The following SRI variants were observed in gnomAD, a reference collection of about 807,000 sequenced individuals.
SRI encodes the protein sorcin.
A neutral mutation model predicts 33.3 loss-of-function variants in SRI; 30 were observed. That is an observed-to-expected ratio of 0.90 (90% CI 0.67 to 1.22). The LOEUF is 1.22. Ranked by LOEUF, SRI falls within the 50% of genes most tolerant of loss-of-function variation. The pLI, the probability that SRI is intolerant of heterozygous loss-of-function variation, is 0.00. For synonymous variants in SRI, 75 were observed against 89.9 expected, an observed-to-expected ratio of 0.83 and a Z score of 0.94; for missense variants, 243 against 250.8, an observed-to-expected ratio of 0.97 and a Z score of 0.21.
intron 3 of SRI, 91 bp from the exon 4 acceptor site, chr7:88,211,016 A>G (rs1353829154): frequency 1.0e-6 from 1 of 1,002,230 alleles, no homozygotes; most frequent in African/African-American, 1.6e-5. Flanking sequence ...AAATATGATT[A>G]TTATACACTT....
In SRI at chr7:88,209,332, A is replaced by C. The variant is rs767007975; in HGVS notation, c.511+7T>G. The C allele has an allele frequency of 6.2e-7, 1 of 1,610,422 alleles. No homozygotes were observed. The highest frequency in any genetic ancestry group is 8.5e-7 in the Non-Finnish European group (1 of 1,176,664). ...TTGTGGTGATGACACGACCTTATAG[A>C]ACTCACCTGTAAGAGCCCTCAGTTT... is the stretch of plus-strand genomic sequence containing the variant. On this transcript the variant is annotated splice_region_variant and intron_variant, in intron 6 of 7. Transcript: ENST00000265729.
chr7:88,214,522 A>G (rs1009296725), intron 3 of SRI, among the ~76,000 whole-genome samples: 9 of 152,156 alleles, frequency 5.9e-5, no homozygotes, highest in Non-Finnish European at 1.0e-4. Context: ...GACAGTTCCA[A>G]TGAACTAGAA....
chr7:88,219,008 G>A, intron 1 of SRI, 66 bp from the exon 2 acceptor site: 6 of 1,465,542 alleles, frequency 4.1e-6, no homozygotes, highest in Non-Finnish European at 5.7e-6. Context: ...ACCACTGAGG[G>A]CTTTTGTGCA....
chr7:88,221,150 A>G (rs550423811), upstream of SRI, among the ~76,000 whole-genome samples: 14 of 152,326 alleles, frequency 9.2e-5, no homozygotes, highest in South Asian at 1.0e-3. Flanking sequence ...AACATTTCAC[A>G]AATATTGGAG....
chr7:88,208,281 G>T lies in SRI; in HGVS notation c.570+226C>A, dbSNP rs966580721. On this transcript the variant is annotated intron_variant, in intron 7 of 7. Transcript: ENST00000265729. Reference sequence around the variant, plus strand: ...CCCAGCTAATAAATACAACAAGCTGGGTCTTGAACCCAGGTCTCTGAATGC... The same window carrying T: ...CCCAGCTAATAAATACAACAAGCTGTGTCTTGAACCCAGGTCTCTGAATGC... 8.6e-6 allele frequency: 10 copies of T among 1,163,776 alleles called. No homozygotes were observed. In the East Asian group the frequency reaches 1.5e-4, roughly 18 times the overall value. The allele number at this position is 1,163,776 out of a possible 1,614,324, so 72.1% of individuals were successfully genotyped here.
rs200496829 is a variant in SRI, at chr7:88,211,453, TC to T, written c.206-529del. ...CTGGGTGACAGGGCAAGACTCCATCTCAAAAAAAAAAAAGTATTACATAGTA... is the reference window on the plus strand; with the variant it reads ...CTGGGTGACAGGGCAAGACTCCATCTAAAAAAAAAAAAGTATTACATAGTA... On this transcript the variant is annotated intron_variant, in intron 3 of 7. Transcript: ENST00000265729. Among the ~76,000 whole-genome samples, 1,292 of 150,438 alleles carry T rather than the reference TC, an allele frequency of 8.6e-3. 12 individuals carry two copies. Among genetic ancestry groups the T allele is most frequent in the Non-Finnish European group, 0.013 (876 of 67,582 alleles).
At chr7:88,210,226 A>G in intron 4 of SRI, 96 bp from the exon 5 acceptor site, 1 of 1,334,950 alleles carries the variant, frequency 7.5e-7, no homozygotes, top group South Asian at 1.2e-5. Flanking sequence ...TTCAATGGCT[A>G]AAAAAGTTAT....
intron 3 of SRI, chr7:88,214,863 A>T: frequency 1.6e-6 from 2 of 1,263,276 alleles, no homozygotes; most frequent in Non-Finnish European, 2.1e-6. Context: ...TCTCACAGAA[A>T]CATACAATAT....
In SRI at chr7:88,205,783, A is replaced by G. The variant is rs1851427355; in HGVS notation, c.*695T>C. 3 of 152,358 alleles carry G rather than the reference A, an allele frequency of 2.0e-5. No individual in the cohort carries two copies. Among genetic ancestry groups the G allele is most frequent in the Non-Finnish European group, 4.4e-5 (3 of 68,036 alleles). The allele number at this position is 152,358 out of a possible 1,614,324, so 9.4% of individuals were successfully genotyped here. ...GATATAAAGAAAATTAAAGTCATCT[A>G]GAATTCCATTCATCCAAAATAAACA... is the stretch of plus-strand genomic sequence containing the variant. On this transcript the variant is annotated 3_prime_UTR_variant, in exon 8 of 8. Transcript: ENST00000265729.
chr7:88,223,275 T>G (rs908207035), upstream of SRI, among the ~76,000 whole-genome samples: 26 of 152,202 alleles, frequency 1.7e-4, no homozygotes, highest in Admixed American at 6.5e-5. Flanking sequence ...CGCATTTTAC[T>G]TATTTGCTTA....
chr7:88,217,027 C>A lies in SRI; in HGVS notation c.205+95G>T, dbSNP rs572455069. ...GAATTCTAAACTTTGCTAGATCCGACAAGCTCAGTTTTCTTGAAGGCTGTA... is the reference window on the plus strand; with the variant it reads ...GAATTCTAAACTTTGCTAGATCCGAAAAGCTCAGTTTTCTTGAAGGCTGTA... On this transcript the variant is annotated intron_variant, in intron 3 of 7. Coordinates refer to ENST00000265729, the MANE Select transcript of SRI (RefSeq NM_003130.4). 7.0e-5 allele frequency: 80 copies of A among 1,137,624 alleles called. No homozygotes were observed. In the African/African-American group the frequency reaches 1.0e-3, roughly 14 times the overall value. The allele number at this position is 1,137,624 out of a possible 1,614,324, so 70.5% of individuals were successfully genotyped here. A position where few individuals can be genotyped will look rare whatever the true frequency, so the allele number is the denominator to read the frequency against.
At chr7:88,219,548 GTTT>G (rs1851829583) in intron 1 of SRI, 1 of 169,224 alleles carries the variant, frequency 5.9e-6, no homozygotes, top group Admixed American at 7.1e-5. Context: ...TTTTTTGTTT[GTTT>G]GTTTGTTTGT....
In SRI at chr7:88,217,185, G is replaced by T; in HGVS notation, c.142C>A (p.Gln48Lys). ...CTCTGCAATTCATCAGCATCTATCT[G>T]CCCATCCTTTTGAAAAAAAATTAGA... ...YFAAVAGQDG[Q>K]IDADELQRCL... Residue 48 changes from glutamine to lysine, a missense_variant, in exon 3 of 8, where the codon CAG (glutamine) becomes AAG (lysine). Physicochemically the swap from Gln to Lys is moderately conservative, Grantham distance 53 (BLOSUM62 1). Coordinates refer to ENST00000265729, the MANE Select transcript of SRI (RefSeq NM_003130.4). The T allele has an allele frequency of 6.2e-7, 1 of 1,612,248 alleles. No homozygotes were observed. The highest frequency in any genetic ancestry group is 8.5e-7 in the Non-Finnish European group (1 of 1,179,844).
intron 4 of SRI, chr7:88,210,344 A>G (rs918721690): frequency 3.9e-5 from 23 of 593,850 alleles, no homozygotes; most frequent in South Asian, 3.7e-4. Flanking sequence ...GATAACTTAC[A>G]TGACTTGATT....
chr7:88,219,544 G>GTTTT (rs1851828755), intron 1 of SRI: 1 of 138,648 alleles, frequency 7.2e-6, no homozygotes, highest in African/African-American at 3.0e-5. Context: ...CTCGTTTTTT[G>GTTTT]TTTGTTTGTT....
upstream of SRI, chr7:88,220,215 A>G (rs945445158): frequency 7.6e-7 from 1 of 1,312,054 alleles, no homozygotes; most frequent in Non-Finnish European, 9.7e-7. Flanking sequence ...GCTTCTTCGT[A>G]TCTTTGCCAT....
At chr7:88,218,728 A>G in intron 2 of SRI, 131 bp downstream of exon 2, 1 of 777,938 alleles carries the variant, frequency 1.3e-6, no homozygotes, top group Non-Finnish European at 2.1e-6. Context: ...AATAAGAAAC[A>G]ACTTTTTTTT....
chr7:88,209,288 A>G, intron 6 of SRI, 51 bp downstream of exon 6: 1 of 1,463,376 alleles, frequency 6.8e-7, no homozygotes, highest in African/African-American at 1.4e-5. Context: ...ATGAAATGTA[A>G]TAAAAACTGT....
Position 88,206,433 on chromosome 7 carries a change from G to C in SRI, c.*45C>G. 1 of 1,611,664 alleles carries C rather than the reference G, an allele frequency of 6.2e-7. No individual in the cohort carries two copies. Among genetic ancestry groups the C allele is most frequent in the Non-Finnish European group, 8.5e-7 (1 of 1,177,840 alleles). ...AGGCAAAGAGGACAAGCAAAGGAGA[G>C]CTCCAGTTGGAATGTTGATTACATT... On this transcript the variant is annotated 3_prime_UTR_variant, in exon 8 of 8. Coordinates refer to ENST00000265729, the MANE Select transcript of SRI (RefSeq NM_003130.4).
Sources: allele counts gnomAD v4.1 joint callset (sites outside exome capture counted in the v4.1 genomes callset), GRCh38; gene constraint gnomAD v4.1.1; transcripts MANE v1.5; gene names NCBI Gene and HGNC (gene_info 2026-07-23, HGNC 2026-07-21).